Variants in PCDH15 observed in about 807,000 individuals in gnomAD.
PCDH15 encodes protocadherin-15.
PCDH15 carries 129 observed loss-of-function variants against 178.5 expected under a neutral mutation model. The observed-to-expected ratio is 0.72, with a 90% CI of 0.63 to 0.84. The LOEUF (loss-of-function observed/expected upper bound fraction) is 0.84, where lower values mean the gene tolerates loss of function less well. PCDH15 is among the 40% of genes least tolerant of loss of function. PCDH15 has a pLI of 0.00. For synonymous variants in PCDH15, 800 were observed against 732.0 expected (o/e 1.09, Z -1.50); for missense variants, 2,230 against 2,099.9 (o/e 1.06, Z -1.21).
intron 2 of PCDH15, among the ~76,000 whole-genome samples, chr10:55,333,425 A>G (rs935969087): frequency 6.6e-6 from 1 of 152,126 alleles, no homozygotes; most frequent in Non-Finnish European, 1.5e-5. Flanking sequence ...GAAATAAAAG[A>G]GGATGTATTT....
intron 3 of PCDH15, among the ~76,000 whole-genome samples, chr10:54,413,258 G>A (rs764047582): frequency 6.6e-6 from 1 of 152,106 alleles, no homozygotes; most frequent in Non-Finnish European, 1.5e-5. Flanking sequence ...ATACATGGTT[G>A]GCTATCTATT....
chr10:54,744,403 A>T (rs1463986688), intron 1 of PCDH15, among the ~76,000 whole-genome samples: 1 of 151,634 alleles, frequency 6.6e-6, no homozygotes, highest in Admixed American at 6.6e-5. Flanking sequence ...ATAATCTGTT[A>T]AACAAATAAA....
intron 2 of PCDH15, among the ~76,000 whole-genome samples, chr10:55,606,140 T>A (rs1443166576): frequency 1.9e-5 from 1 of 53,368 alleles, no homozygotes; most frequent in Non-Finnish European, 3.5e-5. Flanking sequence ...TGAACTCCCA[T>A]TCACAATTGC....
chr10:55,352,618 C>T (rs1844966668), intron 2 of PCDH15, among the ~76,000 whole-genome samples: 1 of 152,126 alleles, frequency 6.6e-6, no homozygotes, highest in Non-Finnish European at 1.5e-5. Flanking sequence ...TGAAAAAGCT[C>T]GCTAAGTTGT....
At chr10:55,470,989 A>G (rs73261669) in intron 2 of PCDH15, among the ~76,000 whole-genome samples, 1 of 151,872 alleles carries the variant, frequency 6.6e-6, no homozygotes, top group African/African-American at 2.4e-5. Flanking sequence ...TTATGTCTTG[A>G]TGGCTAATTT....
At chr10:55,365,585 T>G (rs1287249114) in intron 2 of PCDH15, among the ~76,000 whole-genome samples, 2 of 151,996 alleles carry the variant, frequency 1.3e-5, no homozygotes, top group Non-Finnish European at 2.9e-5. Context: ...AGGAACCCAG[T>G]GGGAGGTGAT....
At chr10:55,209,201 T>C (rs1295799657) in intron 1 of PCDH15, among the ~76,000 whole-genome samples, 3 of 151,576 alleles carry the variant, frequency 2.0e-5, no homozygotes, top group African/African-American at 7.3e-5. Flanking sequence ...AACAACAGAG[T>C]GGAGGCTGGT....
At chr10:54,996,819 T>A (rs899512180) in intron 2 of PCDH15, among the ~76,000 whole-genome samples, 1 of 152,018 alleles carries the variant, frequency 6.6e-6, no homozygotes, top group Non-Finnish European at 1.5e-5. Context: ...CTTTTAAAAA[T>A]CAAACTGCTG....
chr10:55,220,839 C>A (rs1416271246), intron 1 of PCDH15, among the ~76,000 whole-genome samples: 1 of 151,984 alleles, frequency 6.6e-6, no homozygotes, highest in Non-Finnish European at 1.5e-5. Context: ...ATTAGGTACA[C>A]ATTTTCCATT....
intron 1 of PCDH15, among the ~76,000 whole-genome samples, chr10:55,308,302 A>G (rs1272611419): frequency 6.6e-6 from 1 of 152,180 alleles, no homozygotes; most frequent in Non-Finnish European, 1.5e-5. Flanking sequence ...AAGTGGAGAA[A>G]GCAAACTAGA....
At chr10:53,822,244 G>A in intron 32 of PCDH15, 1 of 1,613,874 alleles carries the variant, frequency 6.2e-7, no homozygotes, top group Non-Finnish European at 8.5e-7. Context: ...GGAGGTGGAG[G>A]GCAAGGAATA....
intron 26 of PCDH15, among the ~76,000 whole-genome samples, chr10:53,888,664 G>GATTAT (rs2081334726): frequency 5.9e-5 from 1 of 17,026 alleles, no homozygotes; most frequent in African/African-American, 9.9e-5. Flanking sequence ...AGTTAAGTTT[G>GATTAT]ATATATATAT....
chr10:55,330,654 T>C lies in PCDH15; in HGVS notation c.-155-164003A>G, dbSNP rs1000912098. Among the ~76,000 whole-genome samples, 7 of 152,032 alleles carry C rather than the reference T, an allele frequency of 4.6e-5. No individual in the cohort carries two copies. In the South Asian group the frequency reaches 1.5e-3, roughly 32 times the overall value. ...TTACAATTTTCACTGAGAATGACCATGTAGATACTTTAGAAAAGCCATCAA... is the reference window on the plus strand; with the variant it reads ...TTACAATTTTCACTGAGAATGACCACGTAGATACTTTAGAAAAGCCATCAA... On this transcript the variant is annotated intron_variant, in intron 2 of 5. Transcript: ENST00000613346.
At chr10:54,400,688 G>A (rs549289987) in intron 3 of PCDH15, among the ~76,000 whole-genome samples, 112 of 152,036 alleles carry the variant, frequency 7.4e-4, no homozygotes, top group Middle Eastern at 3.4e-3. Flanking sequence ...ACAGTTAATC[G>A]AAAATTATTA....
chr10:54,787,611 T>C (rs1412438792), intron 1 of PCDH15, among the ~76,000 whole-genome samples: 1 of 151,972 alleles, frequency 6.6e-6, no homozygotes, highest in African/African-American at 2.4e-5. Context: ...CATGACAGGA[T>C]GAGCCAGTAT....
At chr10:54,996,043 G>A (rs1251840975) in intron 2 of PCDH15, among the ~76,000 whole-genome samples, 1 of 152,132 alleles carries the variant, frequency 6.6e-6, no homozygotes, top group Non-Finnish European at 1.5e-5. Flanking sequence ...TTTCTGTGCA[G>A]TGGGGAGCAG....
intron 20 of PCDH15, among the ~76,000 whole-genome samples, chr10:54,013,236 C>A (rs1242723180): frequency 6.6e-6 from 1 of 152,096 alleles, no homozygotes; most frequent in African/African-American, 2.4e-5. Context: ...ATGCATCCAA[C>A]ACAGGAGCAC....
At chr10:54,157,668 T>A (rs1275265058) in intron 13 of PCDH15, among the ~76,000 whole-genome samples, 2 of 152,228 alleles carry the variant, frequency 1.3e-5, no homozygotes, top group Non-Finnish European at 2.9e-5. Context: ...CAGGTGGCTT[T>A]AACTTCTCCT....
intron 2 of PCDH15, among the ~76,000 whole-genome samples, chr10:55,343,330 T>C (rs1844654040): frequency 6.6e-6 from 1 of 152,178 alleles, no homozygotes; most frequent in Non-Finnish European, 1.5e-5. Context: ...AACCAACTTT[T>C]ATTCTAGAGT....
Sources: gnomAD v4.1 joint callset for allele counts (sites outside exome capture counted in the v4.1 genomes callset) on GRCh38, gnomAD v4.1.1 for gene constraint, MANE v1.5 for transcripts, NCBI Gene and HGNC (gene_info 2026-07-23, HGNC 2026-07-21) for gene names.